RUFY2: variants seen among roughly 807,000 people sequenced by gnomAD.
RUFY2 encodes RUN and FYVE domain containing 2.
RUFY2 carries 49 observed loss-of-function variants against 94.4 expected under a neutral mutation model. The observed-to-expected ratio is 0.52, with a 90% CI of 0.41 to 0.66. RUFY2 has a LOEUF of 0.66. RUFY2 is among the 30% of genes least tolerant of loss of function. The pLI, the probability that RUFY2 is intolerant of heterozygous loss-of-function variation, is 0.00. For synonymous variants in RUFY2, 255 were observed against 235.7 expected (o/e 1.08, Z -0.75); for missense variants, 541 against 692.8 (o/e 0.78, Z 2.46).
rs185311217 is a variant in RUFY2 at position 68,344,841 on chromosome 10, A to G, written c.*927T>C. On this transcript the variant is annotated 3_prime_UTR_variant, in exon 18 of 18. Transcript: ENST00000602465. Reference sequence around the variant, plus strand: ...AATTTACTCCAATGAAAATGTTAATACAAAATTTTTTGAACTGAACTCTAA... The same window carrying G: ...AATTTACTCCAATGAAAATGTTAATGCAAAATTTTTTGAACTGAACTCTAA... The G allele has an allele frequency of 1.3e-5, 2 of 152,382 alleles. No individual in the cohort carries two copies. The highest frequency in any genetic ancestry group is 2.9e-5 in the Non-Finnish European group (2 of 68,040). The allele number at this position is 152,382 out of a possible 1,614,324, so 9.4% of individuals were successfully genotyped here. A position where few individuals can be genotyped will look rare whatever the true frequency, so the allele number is the denominator to read the frequency against.
At position 68,382,134 on chromosome 10, in the gene RUFY2, C is replaced by T. The variant is rs186896351; in HGVS notation, c.940-735G>A. On this transcript the variant is annotated intron_variant, in intron 10 of 17. Coordinates refer to ENST00000602465, the MANE Select transcript of RUFY2 (RefSeq NM_001330103.2). The stretch of plus-strand genomic sequence containing the variant: ...CACCATCTTGGCCCACTGCAAGCTC[C>T]GCCTCCCAAGTTCATGCCATTCTCC... Among the ~76,000 whole-genome samples the T allele has an allele frequency of 3.1e-3, 463 of 151,572 alleles. 2 individuals are homozygous for T. The highest frequency in any genetic ancestry group is 0.01 in the African/African-American group (414 of 41,370).
intron 16 of RUFY2, among the ~76,000 whole-genome samples, chr10:68,351,019 G>A (rs941728460): frequency 2.0e-5 from 3 of 149,260 alleles, no homozygotes; most frequent in African/African-American, 5.0e-5. Context: ...CCCCACAAGT[G>A]TTTTTAAGTT....
In RUFY2 at chr10:68,401,740, GA is replaced by G. The variant is rs34770178; in HGVS notation, c.179-4del. 1.3e-6 allele frequency: 2 copies of G among 1,556,888 alleles called. No individual in the cohort carries two copies. Among genetic ancestry groups the G allele is most frequent in the Non-Finnish European group, 8.9e-7 (1 of 1,128,936 alleles). On this transcript the variant is annotated splice_region_variant and splice_polypyrimidine_tract_variant and intron_variant, in intron 2 of 17. Transcript: ENST00000602465. ...GTAACTCAAAAATGATTTTCTTACT[GA>G]AAAAAAGAACACATAATGCACACAA...
chr10:68,363,688 CAGAA>C lies in RUFY2; in HGVS notation c.1456-8_1456-5del. On this transcript the variant is annotated splice_polypyrimidine_tract_variant and splice_region_variant and intron_variant, in intron 14 of 17. Transcript: ENST00000602465. The stretch of plus-strand genomic sequence containing the variant: ...CATCCTGGAGGTTAAGGAACTCCTT[CAGAA>C]CAATAAAAGACAGAAAATGAAATTT... 2 of 1,543,532 alleles carry C rather than the reference CAGAA, an allele frequency of 1.3e-6. No homozygotes were observed. The highest frequency in any genetic ancestry group is 1.8e-6 in the Non-Finnish European group (2 of 1,135,842).
intron 8 of RUFY2, among the ~76,000 whole-genome samples, chr10:68,385,107 C>CAA (rs1159657287): frequency 7.2e-6 from 1 of 138,358 alleles, no homozygotes; most frequent in African/African-American, 2.7e-5. Context: ...ACTAAAAATA[C>CAA]AAAAAAATTA....
rs143237330 is a variant in RUFY2, at chr10:68,366,183, C to T, written c.1326-2070G>A. Among the ~76,000 whole-genome samples the T allele has an allele frequency of 6.2e-3, 941 of 150,868 alleles. 16 individuals are homozygous for T. Among genetic ancestry groups the T allele is most frequent in the African/African-American group, 0.022 (904 of 41,154 alleles). On this transcript the variant is annotated intron_variant, in intron 13 of 17. Coordinates refer to ENST00000602465, the MANE Select transcript of RUFY2 (RefSeq NM_001330103.2). ...CTCTACTAAAAATACAAAAATTAGC[C>T]GGGTGTGCTGGTGCCCACCCATAAT...
intron 8 of RUFY2, among the ~76,000 whole-genome samples, chr10:68,385,698 C>A (rs1181428295): frequency 2.0e-5 from 3 of 151,888 alleles, no homozygotes; most frequent in African/African-American, 7.3e-5. Context: ...TGGTTTACTG[C>A]ACTTAACGAG....
chr10:68,376,826 ATT>A, intron 13 of RUFY2, 25 bp downstream of exon 13: 1 of 1,605,786 alleles, frequency 6.2e-7, no homozygotes, highest in Non-Finnish European at 8.5e-7. Context: ...TAACACAAGT[ATT>A]TGTTTCTGAG....
intron 15 of RUFY2, among the ~76,000 whole-genome samples, chr10:68,356,763 G>C (rs1477938698): frequency 6.6e-6 from 1 of 151,646 alleles, no homozygotes; most frequent in African/African-American, 2.4e-5. Context: ...TGGCCAGGCT[G>C]GTCTCGAACT....
chr10:68,347,766 C>T (rs1197428937), intron 16 of RUFY2, among the ~76,000 whole-genome samples: 1 of 152,136 alleles, frequency 6.6e-6, no homozygotes, highest in Non-Finnish European at 1.5e-5. Flanking sequence ...GACCAAAGAA[C>T]CCAAGTATAA....
At chr10:68,398,656 A>C (rs959051187) in intron 3 of RUFY2, among the ~76,000 whole-genome samples, 4 of 152,132 alleles carry the variant, frequency 2.6e-5, no homozygotes, top group Non-Finnish European at 5.9e-5. Context: ...AGTCTCCATA[A>C]AATATAATAA....
chr10:68,356,431 C>T (rs999559811), intron 15 of RUFY2, among the ~76,000 whole-genome samples: 5 of 151,598 alleles, frequency 3.3e-5, no homozygotes, highest in Admixed American at 1.3e-4. Flanking sequence ...ACTTGAACCC[C>T]GGAGGCAGAG....
At chr10:68,368,009 A>T (rs1320228165) in intron 13 of RUFY2, among the ~76,000 whole-genome samples, 1 of 142,548 alleles carries the variant, frequency 7.0e-6, no homozygotes, top group Admixed American at 7.5e-5. Flanking sequence ...TCTGTCGCCC[A>T]GGCTGGAGTG....
chr10:68,403,450 C>T (rs1454006696), intron 2 of RUFY2, among the ~76,000 whole-genome samples: 4 of 151,626 alleles, frequency 2.6e-5, no homozygotes, highest in East Asian at 2.0e-4. Context: ...GGGTTTTCAC[C>T]ATGCTGGCCA....
At chr10:68,367,926 C>A (rs1241598147) in intron 13 of RUFY2, among the ~76,000 whole-genome samples, 9 of 150,964 alleles carry the variant, frequency 6.0e-5, no homozygotes, top group African/African-American at 2.2e-4. Context: ...GAGTGGATTT[C>A]AATTTCACAG....
intron 10 of RUFY2, among the ~76,000 whole-genome samples, chr10:68,381,784 G>C (rs1302821145): frequency 3.9e-5 from 6 of 152,152 alleles, no homozygotes; most frequent in African/African-American, 1.4e-4. Context: ...GGAGGCAAAG[G>C]TTGCAGTGAG....
chr10:68,407,079 G>C, intron 1 of RUFY2, 107 bp downstream of exon 1: 1 of 1,495,720 alleles, frequency 6.7e-7, no homozygotes, highest in Non-Finnish European at 8.8e-7. Context: ...CCCCAGTTCC[G>C]ACTGGCGGCC....
At position 68,386,312 on chromosome 10, in the gene RUFY2, T is replaced by C. The variant is rs117045644; in HGVS notation, c.651-184A>G. Among the ~76,000 whole-genome samples the C allele has an allele frequency of 5.7e-3, 862 of 152,278 alleles. 9 individuals are homozygous for C. Among genetic ancestry groups the C allele is most frequent in the Non-Finnish European group, 8.9e-3 (604 of 68,020 alleles). On this transcript the variant is annotated intron_variant, in intron 7 of 17. Transcript: ENST00000602465. The stretch of plus-strand genomic sequence containing the variant: ...TTAGCTAGGAGGGCAATAAAGAGTG[T>C]AGCAAAATAATATTTGTATTAAAAT...
At chr10:68,406,741 G>A in intron 1 of RUFY2, 6 of 1,602,324 alleles carry the variant, frequency 3.7e-6, no homozygotes, top group South Asian at 2.2e-5. Flanking sequence ...CAGGACCATC[G>A]CGGCGGGCTC....
Sources: allele counts gnomAD v4.1 joint callset (sites outside exome capture counted in the v4.1 genomes callset), GRCh38; gene constraint gnomAD v4.1.1; transcripts MANE v1.5; gene names NCBI Gene and HGNC (gene_info 2026-07-23, HGNC 2026-07-21).